AGPS: variants seen among roughly 807,000 people sequenced by gnomAD.
The protein encoded by AGPS is alkyldihydroxyacetonephosphate synthase, peroxisomal.
In AGPS, 26 loss-of-function variants were observed where a neutral mutation model predicts 90.7. The ratio of observed to expected loss-of-function variants is 0.29; its 90% confidence interval spans 0.21 to 0.40. The LOEUF (loss-of-function observed/expected upper bound fraction) is 0.40, where lower values mean the gene tolerates loss of function less well. Ranked by LOEUF, AGPS falls within the 10% of genes least tolerant of loss-of-function variation. The pLI is 1.00. For synonymous variants in AGPS, 294 were observed against 285.3 expected (o/e 1.03, Z -0.31); for missense variants, 540 against 816.1 (o/e 0.66, Z 4.12).
intron 5 of AGPS, among the ~76,000 whole-genome samples, chr2:177,439,865 A>G (rs1686544653): frequency 6.6e-6 from 1 of 152,112 alleles, no homozygotes. Context: ...AAGAACCTCC[A>G]CTAATGTCCT....
chr2:177,490,628 T>G (rs891125552), intron 11 of AGPS, among the ~76,000 whole-genome samples: 3 of 152,134 alleles, frequency 2.0e-5, no homozygotes, highest in African/African-American at 7.2e-5. Flanking sequence ...TCAATATAAT[T>G]GAATATTAGT....
intron 1 of AGPS, among the ~76,000 whole-genome samples, chr2:177,416,771 T>C (rs763682740): frequency 5.3e-5 from 8 of 152,106 alleles, no homozygotes; most frequent in Non-Finnish European, 1.0e-4. Flanking sequence ...CCTTGTGATC[T>C]GCCCACCTTG....
chr2:177,491,768 C>CG (rs1376067120), intron 11 of AGPS, among the ~76,000 whole-genome samples: 15 of 119,194 alleles, frequency 1.3e-4, no homozygotes, highest in African/African-American at 4.6e-4. Flanking sequence ...CTTCCCCCCC[C>CG]CCCCCTTTTT....
chr2:177,490,424 C>T (rs1688218751), intron 11 of AGPS, among the ~76,000 whole-genome samples: 1 of 151,794 alleles, frequency 6.6e-6, no homozygotes, highest in African/African-American at 2.4e-5. Context: ...ACTTTAAAAC[C>T]GTTGGTTTGA....
intron 9 of AGPS, among the ~76,000 whole-genome samples, chr2:177,463,237 T>G (rs1384673401): frequency 2.0e-5 from 3 of 152,212 alleles, no homozygotes; most frequent in Non-Finnish European, 4.4e-5. Flanking sequence ...AATGATTAGT[T>G]GTGTGAATTT....
At chr2:177,451,151 G>C (rs1686936752) in intron 8 of AGPS, among the ~76,000 whole-genome samples, 3 of 151,636 alleles carry the variant, frequency 2.0e-5, no homozygotes, top group South Asian at 4.2e-4. Context: ...TCTGGAGACA[G>C]GGTCTTGCCA....
intron 8 of AGPS, among the ~76,000 whole-genome samples, chr2:177,455,566 T>A (rs1432968404): frequency 6.6e-6 from 1 of 152,122 alleles, no homozygotes; most frequent in Admixed American, 6.6e-5. Flanking sequence ...AGTGTTAGGA[T>A]TACAGGTGTG....
At position 177,416,628 on chromosome 2, in the gene AGPS, C is replaced by T. The variant is rs527270586; in HGVS notation, c.261-3641C>T. Among the ~76,000 whole-genome samples the T allele has an allele frequency of 9.9e-5, 15 of 151,926 alleles. 1 individual carries two copies. Among genetic ancestry groups the T allele is most frequent in the African/African-American group, 3.1e-4 (13 of 41,412 alleles). The stretch of plus-strand genomic sequence containing the variant: ...GCCACCTCCGCCTCCCAGGTTCAAG[C>T]GATTCTCCTGCCTCAGCCTCCTGAG... On this transcript the variant is annotated intron_variant, in intron 1 of 19. Transcript: ENST00000264167.
Position 177,407,900 on chromosome 2 carries a change from A to G in AGPS, c.261-12369A>G, listed in dbSNP as rs145550968. ...CTGTAACCTTGAACTCCTGGGCTCA[A>G]GAACCATTGTCCTGAGTAGCTGGGA... is the stretch of plus-strand genomic sequence containing the variant. On this transcript the variant is annotated intron_variant, in intron 1 of 19. Coordinates refer to ENST00000264167, the MANE Select transcript of AGPS (RefSeq NM_003659.4). Among the ~76,000 whole-genome samples, 611 of 151,740 alleles carry G rather than the reference A, an allele frequency of 4.0e-3. 5 individuals carry two copies. The highest frequency in any genetic ancestry group is 0.032 in the East Asian group (167 of 5,152).
chr2:177,498,189 A>G (rs1380303467), intron 13 of AGPS, among the ~76,000 whole-genome samples: 1 of 151,560 alleles, frequency 6.6e-6, no homozygotes, highest in Non-Finnish European at 1.5e-5. Flanking sequence ...TCTTTTTGTT[A>G]CATTTTTAAT....
At chr2:177,529,056 C>T (rs2079114729) in intron 19 of AGPS, among the ~76,000 whole-genome samples, 1 of 151,840 alleles carries the variant, frequency 6.6e-6, no homozygotes, top group African/African-American at 2.4e-5. Flanking sequence ...GGGGTTTCAC[C>T]ATGTTGGCCA....
chr2:177,406,681 C>T (rs1409381574), intron 1 of AGPS, among the ~76,000 whole-genome samples: 2 of 152,186 alleles, frequency 1.3e-5, no homozygotes, highest in Non-Finnish European at 2.9e-5. Flanking sequence ...TAGATTTTGA[C>T]TTTTGGTAGA....
chr2:177,430,271 T>A (rs1484360398), intron 2 of AGPS, among the ~76,000 whole-genome samples: 1 of 152,108 alleles, frequency 6.6e-6, no homozygotes, highest in Admixed American at 6.5e-5. Context: ...AGCCAGTGGG[T>A]CTTAACTTGT....
At chr2:177,492,917 G>GTAAAC (rs1688306928) in intron 11 of AGPS, among the ~76,000 whole-genome samples, 1 of 151,200 alleles carries the variant, frequency 6.6e-6, no homozygotes, top group Non-Finnish European at 1.5e-5. Flanking sequence ...GTTAACTTAT[G>GTAAAC]TTTGTATTTA....
chr2:177,458,854 C>T (rs999633185), intron 8 of AGPS, among the ~76,000 whole-genome samples: 3 of 152,142 alleles, frequency 2.0e-5, no homozygotes, highest in Non-Finnish European at 2.9e-5. Context: ...AAAAAAAGAG[C>T]CCACGTAGCC....
rs116935752 is a variant in AGPS at position 177,510,368 on chromosome 2, C to T, written c.1607+2337C>T. Among the ~76,000 whole-genome samples the T allele has an allele frequency of 4.0e-3, 611 of 152,242 alleles. 5 individuals carry two copies. Among genetic ancestry groups the T allele is most frequent in the East Asian group, 0.032 (167 of 5,174 alleles). ...ATTAATGCAGCTCCACCCACAGGAC[C>T]TAATGACCCACCTTCTAATACCATC... On this transcript the variant is annotated intron_variant, in intron 16 of 19. Transcript: ENST00000264167.
rs1320368758 is a variant in AGPS at position 177,393,041 on chromosome 2, A to G, written c.252A>G (p.Pro84=). 6.5e-7 allele frequency: 1 copy of G among 1,550,316 alleles called. No homozygotes were observed. Among genetic ancestry groups the G allele is most frequent in the Admixed American group, 2.0e-5 (1 of 50,998 alleles). The change falls in exon 1 of 20, where the codon CCA becomes CCG. Residue 84 remains proline (P), a synonymous_variant. Coordinates refer to ENST00000264167, the MANE Select transcript of AGPS (RefSeq NM_003659.4). ...CCGCGCAGGAGTCGGGCACCATCCC[A>G]AAGAAGCGGTGAGTAGCGGTATGTG... ...TPAAQESGTI[P]KKRQEVMKWN...
chr2:177,398,397 C>A (rs1051268861), intron 1 of AGPS, among the ~76,000 whole-genome samples: 4 of 152,152 alleles, frequency 2.6e-5, no homozygotes, highest in Non-Finnish European at 5.9e-5. Flanking sequence ...TCTCACACAA[C>A]AGCTCTGAAA....
intron 2 of AGPS, among the ~76,000 whole-genome samples, chr2:177,428,014 A>G (rs762649088): frequency 2.6e-5 from 4 of 152,114 alleles, no homozygotes; most frequent in Non-Finnish European, 5.9e-5. Context: ...GTGCTCCTCT[A>G]TTGGGTACAT....
Sources: allele counts gnomAD v4.1 joint callset (sites outside exome capture counted in the v4.1 genomes callset), GRCh38; gene constraint gnomAD v4.1.1; transcripts MANE v1.5; gene names NCBI Gene and HGNC (gene_info 2026-07-23, HGNC 2026-07-21).